Variants in FYTTD1 observed in about 807,000 individuals in gnomAD.
The protein encoded by FYTTD1 is forty-two-three domain containing 1.
In FYTTD1, 22 loss-of-function variants were observed where a neutral mutation model predicts 40.9. The ratio of observed to expected loss-of-function variants is 0.54; its 90% CI spans 0.38 to 0.77. The LOEUF (loss-of-function observed/expected upper bound fraction) is 0.77, where lower values mean the gene tolerates loss of function less well. FYTTD1 is among the 30% of genes least tolerant of loss of function. FYTTD1 has a pLI of 0.00. For synonymous variants in FYTTD1, 140 were observed against 137.9 expected (o/e 1.01, Z -0.10); for missense variants, 351 against 392.2 (o/e 0.90, Z 0.89).
intron 1 of FYTTD1, among the ~76,000 whole-genome samples, chr3:197,753,645 T>G (rs1189955202): frequency 6.6e-6 from 1 of 152,188 alleles, no homozygotes. Context: ...TTGACTTATT[T>G]GAAGATATAG....
intron 3 of FYTTD1, 55 bp downstream of exon 3, chr3:197,768,642 C>G: frequency 6.9e-7 from 1 of 1,452,444 alleles, no homozygotes; most frequent in East Asian, 2.4e-5. Context: ...TTTGTACTAA[C>G]ATTTCTGTGA....
intron 2 of FYTTD1, among the ~76,000 whole-genome samples, chr3:197,763,948 G>A (rs905812027): frequency 2.0e-5 from 3 of 152,214 alleles, no homozygotes; most frequent in Non-Finnish European, 2.9e-5. Context: ...TGAACTAGAC[G>A]CTCTGGCGGT....
chr3:197,766,430 G>GGTGTGTGTGT (rs111725145), intron 2 of FYTTD1, among the ~76,000 whole-genome samples: 2,153 of 135,022 alleles, frequency 0.016, 36 homozygotes, highest in African/African-American at 0.022. Flanking sequence ...GTTTGAGACT[G>GGTGTGTGTGT]GTGTGTGTGT....
At chr3:197,766,781 T>C (rs1161251211) in intron 2 of FYTTD1, among the ~76,000 whole-genome samples, 2 of 152,054 alleles carry the variant, frequency 1.3e-5, no homozygotes, top group Admixed American at 6.6e-5. Context: ...AAATAGTATG[T>C]AGAGTTGTGT....
chr3:197,756,226 A>G (rs554072648), intron 1 of FYTTD1, among the ~76,000 whole-genome samples, 200 bp from the exon 2 acceptor site: 7 of 152,304 alleles, frequency 4.6e-5, no homozygotes, highest in Admixed American at 3.3e-4. Flanking sequence ...AAGAAATACT[A>G]TGGCCAATAG....
chr3:197,771,384 A>G lies in FYTTD1; in HGVS notation c.497+1140A>G, dbSNP rs13065174. ...TTTTTAAAAAATGCAGTGGCTGGGC[A>G]CAGTGGCTCATGCCTGTATTCCCAG... On this transcript the variant is annotated intron_variant, in intron 4 of 8. Transcript: ENST00000241502. Among the ~76,000 whole-genome samples the G allele has an allele frequency of 2.0e-5, 3 of 152,190 alleles. 1 individual carries two copies. The East Asian group carries it at 5.8e-4, about 29-fold the overall frequency.
chr3:197,781,414 A>G (rs1278228856), intron 8 of FYTTD1, among the ~76,000 whole-genome samples: 5 of 151,284 alleles, frequency 3.3e-5, no homozygotes, highest in Non-Finnish European at 7.4e-5. Flanking sequence ...GCTGTTGTTA[A>G]TAAAAAAAAA....
chr3:197,779,058 C>T (rs1485534938), intron 8 of FYTTD1, among the ~76,000 whole-genome samples: 1 of 152,208 alleles, frequency 6.6e-6, no homozygotes, highest in African/African-American at 2.4e-5. Context: ...CCAACACTCA[C>T]TATTATCTGC....
chr3:197,773,460 T>C lies in FYTTD1; in HGVS notation c.555T>C (p.Asp185=). Reference sequence around the variant, plus strand: ...GAAATAAATTAAATCATCAGAAAGATACTCGTCAGGCAACTTTTCTTTTCA... The same window carrying C: ...GAAATAAATTAAATCATCAGAAAGACACTCGTCAGGCAACTTTTCTTTTCA... ...RSGNKLNHQK[D]TRQATFLFRR... is the part of the protein sequence containing the mutation. Residue 185 remains aspartate (D), a synonymous_variant, in exon 5 of 9, where the codon GAT becomes GAC. Transcript: ENST00000241502. 3 of 1,602,614 alleles carry C rather than the reference T, an allele frequency of 1.9e-6. No homozygotes were observed. The highest frequency in any genetic ancestry group is 1.7e-6 in the Non-Finnish European group (2 of 1,172,352).
intron 2 of FYTTD1, among the ~76,000 whole-genome samples, chr3:197,766,003 T>C (rs535301521): frequency 7.4e-6 from 1 of 135,518 alleles, no homozygotes; most frequent in African/African-American, 2.8e-5. Context: ...CTCAAAAAAA[T>C]ATGTATATGT....
intron 5 of FYTTD1, 44 bp from the exon 6 acceptor site, chr3:197,774,105 T>C (rs1480753129): frequency 6.5e-7 from 1 of 1,539,412 alleles, no homozygotes; most frequent in East Asian, 2.2e-5. Context: ...TGGATTCAAA[T>C]CCTCTGCTTT....
chr3:197,767,441 A>ATTT lies in FYTTD1; in HGVS notation c.236-987_236-985dup, dbSNP rs35419113. On this transcript the variant is annotated intron_variant, in intron 2 of 8. Transcript: ENST00000241502. ...GTGTGAGCCACTGCACCTGGCTGCT[A>ATTT]TTTTTTTTTTTTTAACTAGAAAAAA... Among the ~76,000 whole-genome samples the ATTT allele has an allele frequency of 1.8e-3, 266 of 145,092 alleles. 2 individuals carry two copies. Among genetic ancestry groups the ATTT allele is most frequent in the Middle Eastern group, 0.011 (3 of 278 alleles).
intron 3 of FYTTD1, among the ~76,000 whole-genome samples, chr3:197,769,717 T>A (rs186368392): frequency 1.8e-4 from 28 of 152,316 alleles, no homozygotes; most frequent in East Asian, 1.2e-3. Context: ...TTGGCTTTTT[T>A]AAATCTATTA....
chr3:197,787,593 GGAAGTACACTGT>G (rs1580477791), exon 9 of FYTTD1: 2 of 152,196 alleles, frequency 1.3e-5, no homozygotes, highest in African/African-American at 4.8e-5. Flanking sequence ...GGAAGAACTG[GGAAGTACACTGT>G]ATCAATTGCT....
At chr3:197,778,195 G>A in intron 7 of FYTTD1, 143 bp from the exon 8 acceptor site, 2 of 530,060 alleles carry the variant, frequency 3.8e-6, no homozygotes, top group Non-Finnish European at 6.6e-6. Flanking sequence ...GTCTAGAGTA[G>A]CCAGTGAAAC....
chr3:197,750,243 C>T (rs1247213221), intron 1 of FYTTD1, 169 bp downstream of exon 1: 24 of 837,036 alleles, frequency 2.9e-5, no homozygotes. Flanking sequence ...GCAGGCTCGA[C>T]GCCAGGTGCC....
chr3:197,781,063 C>T (rs1730015518), intron 8 of FYTTD1, among the ~76,000 whole-genome samples: 2 of 151,584 alleles, frequency 1.3e-5, no homozygotes, highest in Non-Finnish European at 2.9e-5. Context: ...CCTGTAATCC[C>T]AGCACTTTGG....
intron 1 of FYTTD1, chr3:197,755,652 A>ATTTATTTT (rs1553908017): frequency 1.1e-5 from 3 of 268,304 alleles, no homozygotes; most frequent in Non-Finnish European, 2.0e-5. Flanking sequence ...TTATTTATTT[A>ATTTATTTT]TTTATTTGTA....
intron 2 of FYTTD1, among the ~76,000 whole-genome samples, chr3:197,760,143 G>A (rs1176429242): frequency 7.0e-6 from 1 of 143,324 alleles, no homozygotes. Context: ...AACTTATAGA[G>A]TGTTCCTCTG....
Sources: gnomAD v4.1 joint callset for allele counts (sites outside exome capture counted in the v4.1 genomes callset) on GRCh38, gnomAD v4.1.1 for gene constraint, MANE v1.5 for transcripts, NCBI Gene and HGNC (gene_info 2026-07-23, HGNC 2026-07-21) for gene names.